The following SH3PXD2B variants were observed in gnomAD, a reference collection of about 807,000 sequenced individuals.
SH3PXD2B encodes SH3 and PX domain-containing protein 2B.
SH3PXD2B carries 37 observed loss-of-function variants against 73.1 expected under a neutral mutation model. The ratio of observed to expected loss-of-function variants is 0.51; its 90% CI spans 0.39 to 0.67. The LOEUF is 0.67. Ranked by LOEUF, SH3PXD2B falls within the 30% of genes least tolerant of loss-of-function variation. SH3PXD2B has a pLI of 0.00. For missense variants in SH3PXD2B, 1,053 were observed against 1,197.8 expected (o/e 0.88, Z 1.78); for synonymous variants, 457 against 480.5 (o/e 0.95, Z 0.64).
chr5:172,447,259 A>G (rs986413731), intron 1 of SH3PXD2B, among the ~76,000 whole-genome samples: 1 of 152,170 alleles, frequency 6.6e-6, no homozygotes, highest in African/African-American at 2.4e-5. Context: ...ACAGACTCAT[A>G]TTTTCATCCT....
chr5:172,398,167 G>T (rs777121516), intron 3 of SH3PXD2B, among the ~76,000 whole-genome samples: 2 of 152,224 alleles, frequency 1.3e-5, no homozygotes, highest in African/African-American at 2.4e-5. Flanking sequence ...CAATTTAAGG[G>T]CTATTAACAC....
intron 9 of SH3PXD2B, among the ~76,000 whole-genome samples, chr5:172,351,334 C>T (rs1757155515): frequency 6.6e-6 from 1 of 152,154 alleles, no homozygotes; most frequent in African/African-American, 2.4e-5. Context: ...TGCTATGTTG[C>T]TCAGGCTGGT....
At chr5:172,430,462 G>C (rs1294862079) in intron 1 of SH3PXD2B, among the ~76,000 whole-genome samples, 1 of 152,200 alleles carries the variant, frequency 6.6e-6, no homozygotes, top group Non-Finnish European at 1.5e-5. Context: ...CCCTCCCCAT[G>C]GGTGCCTGTG....
chr5:172,408,534 C>T (rs1298284068), intron 2 of SH3PXD2B, among the ~76,000 whole-genome samples: 4 of 92,664 alleles, frequency 4.3e-5, no homozygotes, highest in African/African-American at 1.0e-4. Flanking sequence ...TGGGTTATCA[C>T]TTTTTTTTTT....
At chr5:172,440,088 G>A (rs1251797895) in intron 1 of SH3PXD2B, among the ~76,000 whole-genome samples, 1 of 152,230 alleles carries the variant, frequency 6.6e-6, no homozygotes. Flanking sequence ...CTCCAAGGCT[G>A]CCAGGCCTCA....
downstream of SH3PXD2B, among the ~76,000 whole-genome samples, chr5:172,329,331 A>G (rs1054808085): frequency 2.4e-4 from 36 of 150,602 alleles, no homozygotes; most frequent in Non-Finnish European, 4.4e-4. Context: ...TGATCCGATC[A>G]CCTCAGCCTC....
At chr5:172,433,345 A>G in intron 1 of SH3PXD2B, among the ~76,000 whole-genome samples, 1 of 152,198 alleles carries the variant, frequency 6.6e-6, no homozygotes, top group Non-Finnish European at 1.5e-5. Flanking sequence ...TAAATGACAC[A>G]TGACCAAGCA....
chr5:172,371,442 CAG>C (rs1021797338), intron 6 of SH3PXD2B, among the ~76,000 whole-genome samples: 21 of 152,318 alleles, frequency 1.4e-4, no homozygotes, highest in Admixed American at 4.6e-4. Context: ...TTCTCCAAAG[CAG>C]AGTTTTGGTG....
At position 172,337,410 on chromosome 5, in the gene SH3PXD2B, G is replaced by A; in HGVS notation, c.*959C>T. The A allele has an allele frequency of 1.0e-6, 1 of 979,978 alleles. No homozygotes were observed. Among genetic ancestry groups the A allele is most frequent in the East Asian group, 1.1e-4 (1 of 8,780 alleles). 60.7% of individuals were successfully genotyped at this position (979,978 alleles called of 1,614,324 possible). On this transcript the variant is annotated 3_prime_UTR_variant, in exon 13 of 13. Coordinates refer to ENST00000311601, the MANE Select transcript of SH3PXD2B (RefSeq NM_001017995.3). ...GCTGGTGTGTCCTTGGGCACATGGA[G>A]CGTGAATTTCCTCATCTATAAAGGG...
intron 2 of SH3PXD2B, among the ~76,000 whole-genome samples, chr5:172,407,007 C>T (rs1473703786): frequency 4.6e-5 from 7 of 152,116 alleles, no homozygotes; most frequent in Non-Finnish European, 7.3e-5. Flanking sequence ...GTACCATAAA[C>T]GTATCTCTGA....
chr5:172,391,572 C>T (rs1758191472), intron 4 of SH3PXD2B, among the ~76,000 whole-genome samples: 1 of 152,216 alleles, frequency 6.6e-6, no homozygotes, highest in Non-Finnish European at 1.5e-5. Flanking sequence ...AAGCCATCCT[C>T]CCACTTCAGC....
At chr5:172,348,671 C>CTATCTATCTATCTATCTATCTTATCT in intron 10 of SH3PXD2B, among the ~76,000 whole-genome samples, 1 of 55,624 alleles carries the variant, frequency 1.8e-5, no homozygotes, top group African/African-American at 5.4e-5. Flanking sequence ...ATCTATCTAT[C>CTATCTATCTATCTATCTATCTTATCT]TATCTATCTA....
At position 172,334,981 on chromosome 5, in the gene SH3PXD2B, G is replaced by A. The variant is rs989362848; in HGVS notation, c.*3388C>T. 114 of 985,308 alleles carry A rather than the reference G, an allele frequency of 1.2e-4. No homozygotes were observed. The highest frequency in any genetic ancestry group is 1.3e-4 in the Non-Finnish European group (112 of 829,962). The allele number at this position is 985,308 out of a possible 1,614,324, so 61.0% of individuals were successfully genotyped here. On this transcript the variant is annotated 3_prime_UTR_variant, in exon 13 of 13. Transcript: ENST00000311601. ...ACCGTAACCTGGCATGGGCTCCAGC[G>A]ATCCCCCAGTAGGGAAGGGCCATTA...
At chr5:172,345,544 A>G (rs1231962873) in intron 12 of SH3PXD2B, among the ~76,000 whole-genome samples, 1 of 152,210 alleles carries the variant, frequency 6.6e-6, no homozygotes, top group Non-Finnish European at 1.5e-5. Context: ...AAAGGTTTCC[A>G]AACCCTGGCC....
At position 172,350,374 on chromosome 5, in the gene SH3PXD2B, TCAC is replaced by T; in HGVS notation, c.998_1000del (p.Gly333del). 1.2e-6 allele frequency: 2 copies of T among 1,613,598 alleles called. No homozygotes were observed. The highest frequency in any genetic ancestry group is 1.7e-6 in the Non-Finnish European group (2 of 1,179,962). ...CGGGTGTCACTCACTCTGCTTGGCG[TCAC>T]CGTCGGGCACCGGGCGGCCTTCAAA... is the stretch of plus-strand genomic sequence containing the variant. On this transcript the variant is annotated inframe_deletion, in exon 10 of 13. Transcript: ENST00000311601.
intron 2 of SH3PXD2B, among the ~76,000 whole-genome samples, chr5:172,408,044 C>CCA (rs1758602632): frequency 1.3e-5 from 2 of 152,200 alleles, no homozygotes; most frequent in East Asian, 3.9e-4. Context: ...TGCTGTTCTA[C>CCA]ACGATGCCCT....
rs1756661083 is a variant in SH3PXD2B, at chr5:172,335,313, G to A, written c.*3056C>T. 6 of 1,173,270 alleles carry A rather than the reference G, an allele frequency of 5.1e-6. No homozygotes were observed. Among genetic ancestry groups the A allele is most frequent in the Non-Finnish European group, 6.3e-6 (6 of 951,644 alleles). The allele number at this position is 1,173,270 out of a possible 1,614,324, so 72.7% of individuals were successfully genotyped here. On this transcript the variant is annotated 3_prime_UTR_variant, in exon 13 of 13. Transcript: ENST00000311601. ...GACCTACTGAAATGTGTGAGCAAGG[G>A]GCGGGGGGAAGAGGCACCGAAATTC...
At chr5:172,347,733 C>T (rs999517544) in intron 10 of SH3PXD2B, among the ~76,000 whole-genome samples, 3 of 152,176 alleles carry the variant, frequency 2.0e-5, no homozygotes, top group Non-Finnish European at 4.4e-5. Flanking sequence ...ATCTGTAGAA[C>T]TGGCATAATG....
chr5:172,326,100 C>T (rs370506231), intron 12 of SH3PXD2B, among the ~76,000 whole-genome samples: 1 of 152,158 alleles, frequency 6.6e-6, no homozygotes, highest in East Asian at 1.9e-4. Flanking sequence ...GGCCCTGCCT[C>T]TTAATACTTA....
Sources: gnomAD v4.1 joint callset for allele counts (sites outside exome capture counted in the v4.1 genomes callset) on GRCh38, gnomAD v4.1.1 for gene constraint, MANE v1.5 for transcripts, NCBI Gene and HGNC (gene_info 2026-07-23, HGNC 2026-07-21) for gene names.